Variants in RYR3 observed in about 807,000 individuals in gnomAD.
RYR3 encodes the protein brain ryanodine receptor-calcium release channel.
Under a neutral mutation model 584.3 loss-of-function variants are expected in RYR3, and 207 were observed. The observed-to-expected ratio is 0.35, with a 90% CI of 0.32 to 0.40. RYR3 has a LOEUF of 0.40. Among genes scored for constraint, RYR3 ranks in the 10% least tolerant of loss-of-function variants. The pLI is 1.00. For missense variants in RYR3, 5,616 were observed against 6,089.2 expected, an observed-to-expected ratio of 0.92 and a Z score of 2.59; for synonymous variants, 2,416 against 2,248.5, an observed-to-expected ratio of 1.07 and a Z score of -2.11.
intron 80 of RYR3, among the ~76,000 whole-genome samples, 158 bp from the exon 81 acceptor site, chr15:33,822,838 C>T (rs1004796162): frequency 6.6e-6 from 1 of 152,172 alleles, no homozygotes; most frequent in African/African-American, 2.4e-5. Context: ...TGCCAGTGGG[C>T]GTTTATAAAA....
rs753400836 is a variant in RYR3, at chr15:33,722,784, C to T, written c.6689C>T (p.Pro2230Leu). Residue 2230 changes from proline to leucine, a missense_variant, in exon 44 of 104, where the codon CCG becomes CTG. Around this residue, in one of 9 missense-constraint regions of RYR3, gnomAD observed 1,280 missense variants for 1,426.2 expected, o/e 0.90. Coordinates refer to ENST00000634891, the MANE Select transcript of RYR3 (RefSeq NM_001036.6). ...LLIRRPECFG[P>L]ALRGEGGNGL... The stretch of plus-strand genomic sequence containing the variant: ...ATCAGACGCCCAGAGTGCTTCGGCC[C>T]GGCCCTGCGGGGTGAGGGGGGAAAC... The T allele has an allele frequency of 1.4e-5, 22 of 1,613,118 alleles. No individual in the cohort carries two copies. The highest frequency in any genetic ancestry group is 6.7e-5 in the African/African-American group (5 of 74,900).
Position 33,554,456 on chromosome 15 carries a change from G to A in RYR3, c.972+4140G>A, listed in dbSNP as rs7165619. The stretch of plus-strand genomic sequence containing the variant: ...GACTACAGGCACCCACCACCACACC[G>A]GGCTAATTTTTTTGTATTTTTAGTA... On this transcript the variant is annotated intron_variant, in intron 10 of 103. Coordinates refer to ENST00000634891, the MANE Select transcript of RYR3 (RefSeq NM_001036.6). Among the ~76,000 whole-genome samples the A allele has an allele frequency of 6.7e-4, 102 of 152,050 alleles. 2 individuals carry two copies. In the East Asian group the frequency reaches 9.1e-3, roughly 14 times the overall value.
At chr15:33,632,813 T>C (rs2152636250) in intron 23 of RYR3, 136 bp from the exon 24 acceptor site, 1 of 656,084 alleles carries the variant, frequency 1.5e-6, no homozygotes, top group Non-Finnish European at 2.6e-6. Flanking sequence ...CTGAGCTATT[T>C]GTTCAGCCAA....
intron 66 of RYR3, among the ~76,000 whole-genome samples, chr15:33,786,463 G>C (rs1473159056): frequency 6.6e-6 from 1 of 151,448 alleles, no homozygotes; most frequent in Non-Finnish European, 1.5e-5. Context: ...GCGGGCTCAC[G>C]GTAGTGGCAC....
intron 1 of RYR3, among the ~76,000 whole-genome samples, chr15:33,461,370 T>G (rs930795902): frequency 2.0e-5 from 3 of 152,212 alleles, no homozygotes; most frequent in African/African-American, 4.8e-5. Context: ...CACGGGTACT[T>G]TGTCTCTTCA....
intron 85 of RYR3, among the ~76,000 whole-genome samples, chr15:33,828,208 A>G (rs66587633): frequency 0.17 from 25,759 of 152,184 alleles, 2,360 homozygotes; most frequent in Middle Eastern, 0.3. Flanking sequence ...TTAATGTTGC[A>G]TGTGTTCTCA....
chr15:33,707,438 G>T (rs748969990), intron 43 of RYR3, among the ~76,000 whole-genome samples: 39 of 152,126 alleles, frequency 2.6e-4, no homozygotes, highest in Non-Finnish European at 4.0e-4. Flanking sequence ...TGGATGGATG[G>T]ATGAATGAAT....
intron 42 of RYR3, among the ~76,000 whole-genome samples, chr15:33,702,776 T>A (rs2066400318): frequency 6.6e-6 from 1 of 151,770 alleles, no homozygotes; most frequent in African/African-American, 2.4e-5. Context: ...ACCACCAGCA[T>A]ATTTAAGGGA....
chr15:33,799,373 C>G (rs1334149979), intron 67 of RYR3, among the ~76,000 whole-genome samples: 1 of 152,124 alleles, frequency 6.6e-6, no homozygotes, highest in Non-Finnish European at 1.5e-5. Context: ...AGGAGAGGGG[C>G]TGGATATTGA....
Position 33,412,406 on chromosome 15 carries a change from C to G in RYR3, c.52-61013C>G, listed in dbSNP as rs1313866532. Among the ~76,000 whole-genome samples the G allele has an allele frequency of 1.3e-5, 2 of 152,052 alleles. No individual in the cohort carries two copies. The highest frequency in any genetic ancestry group is 2.9e-5 in the Non-Finnish European group (2 of 68,008). On this transcript the variant is annotated intron_variant, in intron 1 of 103. Coordinates refer to ENST00000634891, the MANE Select transcript of RYR3 (RefSeq NM_001036.6). This position sits in a 1 kb window ranked among gnomAD's most constrained non-coding sequence, Gnocchi z 4.3. ...CAAACTGACAGCGGAAACCCTGGCT[C>G]TATTTAAGGCTTCTGGAGAGAGAGC...
chr15:33,582,397 A>G (rs1567591546), intron 14 of RYR3, among the ~76,000 whole-genome samples: 1 of 152,134 alleles, frequency 6.6e-6, no homozygotes, highest in African/African-American at 2.4e-5. Context: ...ATCAGTCCGG[A>G]CCTATTCCCC....
chr15:33,723,584 T>C (rs2068107506), intron 44 of RYR3, among the ~76,000 whole-genome samples: 1 of 152,166 alleles, frequency 6.6e-6, no homozygotes, highest in African/African-American at 2.4e-5. Flanking sequence ...GGTTGGCTTT[T>C]TTCTTTGTCA....
At chr15:33,379,951 G>A (rs769243622) in intron 1 of RYR3, among the ~76,000 whole-genome samples, 3 of 152,050 alleles carry the variant, frequency 2.0e-5, no homozygotes, top group African/African-American at 7.2e-5. Context: ...CCAAGGGCAG[G>A]AGGAGCTGAA....
At chr15:33,776,454 C>T (rs1045827270) in intron 64 of RYR3, among the ~76,000 whole-genome samples, 6 of 152,202 alleles carry the variant, frequency 3.9e-5, no homozygotes, top group African/African-American at 9.6e-5. Flanking sequence ...AACTTGGTAA[C>T]GTTAAACACT....
chr15:33,850,328 G>C (rs2079012177), intron 94 of RYR3: 1 of 151,862 alleles, frequency 6.6e-6, no homozygotes, highest in African/African-American at 2.4e-5. Flanking sequence ...GTTGCAGTGA[G>C]CTGAGATCAC....
rs771103887 is a variant in RYR3 at position 33,739,926 on chromosome 15, C to A, written c.7751C>A (p.Ala2584Asp). 1.9e-6 allele frequency: 3 copies of A among 1,613,630 alleles called. No homozygotes were observed. The Admixed American group carries it at 5.0e-5, about 27-fold the overall frequency. The change falls in exon 51 of 104, where the codon GCC becomes GAC. Residue 2584 changes from alanine (A) to aspartate (D), a missense_variant. Around this residue, in one of 9 missense-constraint regions of RYR3, gnomAD observed 1,280 missense variants for 1,426.2 expected, o/e 0.90. Coordinates refer to ENST00000634891, the MANE Select transcript of RYR3 (RefSeq NM_001036.6). The part of the protein sequence containing the change: ...PPDYLDTRIT[A>D]TLEKQISVDA... ...GATTATTTAGATACCAGAATCACAG[C>A]CACGTTGGAGAAACAGATCTCAGTG... is the stretch of plus-strand genomic sequence containing the variant.
At chr15:33,327,097 A>G (rs1038729613) in intron 1 of RYR3, among the ~76,000 whole-genome samples, 1 of 152,110 alleles carries the variant, frequency 6.6e-6, no homozygotes, top group East Asian at 1.9e-4. Flanking sequence ...AATTTTCTTC[A>G]TGGAATGAGA....
At chr15:33,707,643 T>G (rs1566993728) in intron 43 of RYR3, among the ~76,000 whole-genome samples, 1 of 152,184 alleles carries the variant, frequency 6.6e-6, no homozygotes, top group Non-Finnish European at 1.5e-5. Context: ...GGTACTTTCT[T>G]GAAAATGAGC....
intron 60 of RYR3, among the ~76,000 whole-genome samples, chr15:33,764,662 C>T (rs1381345682): frequency 2.0e-5 from 3 of 151,854 alleles, no homozygotes; most frequent in Admixed American, 2.0e-4. Context: ...AAAGTGAACA[C>T]GTAACACTGT....
Sources: gnomAD v4.1 joint callset for allele counts (sites outside exome capture counted in the v4.1 genomes callset) on GRCh38, gnomAD v4.1.1 for gene constraint, gnomAD v4.1.1 regional missense constraint, Gnocchi (gnomAD v3.1) non-coding constraint, MANE v1.5 for transcripts, NCBI Gene and HGNC (gene_info 2026-07-23, HGNC 2026-07-21) for gene names.